Variants in SEPTIN11 observed in about 807,000 individuals in gnomAD.
SEPTIN11 encodes the protein septin-11.
A neutral mutation model predicts 51.4 loss-of-function variants in SEPTIN11; 25 were observed. The observed-to-expected ratio is 0.49, with a 90% CI of 0.35 to 0.68. The LOEUF is 0.68. SEPTIN11 is among the 30% of genes least tolerant of loss of function. SEPTIN11 has a pLI of 0.00. For missense variants in SEPTIN11, 381 were observed against 520.8 expected (o/e 0.73, Z 2.61); for synonymous variants, 174 against 184.1 (o/e 0.95, Z 0.44).
intron 1 of SEPTIN11, among the ~76,000 whole-genome samples, chr4:76,988,324 G>A (rs1283786984): frequency 2.0e-5 from 3 of 152,164 alleles, no homozygotes; most frequent in African/African-American, 7.2e-5. Context: ...TACCCTGTAC[G>A]CTCCATGAGT....
At chr4:77,000,799 T>C (rs1422715483) in intron 2 of SEPTIN11, among the ~76,000 whole-genome samples, 1 of 152,166 alleles carries the variant, frequency 6.6e-6, no homozygotes, top group African/African-American at 2.4e-5. Context: ...CGCTGGCTCA[T>C]CTTATGCCGG....
chr4:76,964,972 C>T (rs543242229), intron 1 of SEPTIN11, among the ~76,000 whole-genome samples: 148 of 152,226 alleles, frequency 9.7e-4, no homozygotes, highest in Admixed American at 4.2e-3. Context: ...TGTCATTTAC[C>T]ACACTTGCCA....
At chr4:76,996,303 G>C (rs1028205060) in intron 1 of SEPTIN11, 122 bp from the exon 2 acceptor site, 5 of 743,446 alleles carry the variant, frequency 6.7e-6, no homozygotes, top group African/African-American at 5.3e-5. Flanking sequence ...AGGCAGCTGT[G>C]GAGGGTCTCC....
At chr4:77,013,532 A>C (rs1725017436) in intron 4 of SEPTIN11, among the ~76,000 whole-genome samples, 1 of 152,226 alleles carries the variant, frequency 6.6e-6, no homozygotes, top group Admixed American at 6.5e-5. Context: ...AATGTGTATC[A>C]AAGATAGCCA....
chr4:77,035,657 G>C lies in SEPTIN11; in HGVS notation c.*1145G>C. On this transcript the variant is annotated 3_prime_UTR_variant, in exon 10 of 10. Coordinates refer to ENST00000264893, the MANE Select transcript of SEPTIN11 (RefSeq NM_018243.4). Reference sequence around the variant, plus strand: ...TTGGCAATAAAAGAAAGAAGAAATAGAACAGCTGAAGTCTCAAATCATTGT... The same window carrying C: ...TTGGCAATAAAAGAAAGAAGAAATACAACAGCTGAAGTCTCAAATCATTGT... 2 of 985,718 alleles carry C rather than the reference G, an allele frequency of 2.0e-6. No individual in the cohort carries two copies. The highest frequency in any genetic ancestry group is 2.4e-6 in the Non-Finnish European group (2 of 829,926). 61.1% of individuals were successfully genotyped at this position (985,718 alleles called of 1,614,324 possible).
Position 77,035,019 on chromosome 4 carries a change from T to A in SEPTIN11, c.*507T>A. On this transcript the variant is annotated 3_prime_UTR_variant, in exon 10 of 10. Transcript: ENST00000264893. ...AAGGTAGATTTGTACGTAGACAGAC[T>A]GGTGAGCAAGCATTATATTTTATTT... 1 of 985,898 alleles carries A rather than the reference T, an allele frequency of 1.0e-6. No individual in the cohort carries two copies. The allele number at this position is 985,898 out of a possible 1,614,324, so 61.1% of individuals were successfully genotyped here. A position where few individuals can be genotyped will look rare whatever the true frequency, so the allele number is the denominator to read the frequency against.
At chr4:76,963,025 T>C (rs1721887430) in intron 1 of SEPTIN11, among the ~76,000 whole-genome samples, 2 of 152,240 alleles carry the variant, frequency 1.3e-5, no homozygotes, top group Admixed American at 6.5e-5. Flanking sequence ...TTGCTACTCT[T>C]ACATTAGCAA....
downstream of SEPTIN11, chr4:77,039,553 C>A (rs1191262577): frequency 7.1e-6 from 7 of 985,302 alleles, no homozygotes; most frequent in Non-Finnish European, 8.4e-6. Flanking sequence ...TTCTGAACAG[C>A]CTGATCAGGA....
chr4:76,976,351 G>C (rs1462617646), intron 1 of SEPTIN11, among the ~76,000 whole-genome samples: 2 of 152,064 alleles, frequency 1.3e-5, no homozygotes, highest in Non-Finnish European at 2.9e-5. Context: ...TCCAAGGCTT[G>C]TGATTCCCTA....
At chr4:77,040,042 T>G (rs1727273052), downstream of SEPTIN11, 1 of 152,324 alleles carries the variant, frequency 6.6e-6, no homozygotes, top group Non-Finnish European at 1.5e-5. Context: ...TTCCCTTTTT[T>G]GTTACGGGAT....
Position 76,949,772 on chromosome 4 carries a change from C to T in SEPTIN11, c.-132C>T. On this transcript the variant is annotated 5_prime_UTR_variant, in exon 1 of 10. Transcript: ENST00000264893. Reference sequence around the variant, plus strand: ...GGGGGGAGCAGATGCCGCTGGCTGCCAGCGGGACGCCGGCGAGCAGAGCGC... The same window carrying T: ...GGGGGGAGCAGATGCCGCTGGCTGCTAGCGGGACGCCGGCGAGCAGAGCGC... The T allele has an allele frequency of 3.1e-6, 3 of 973,976 alleles. No individual in the cohort carries two copies. Among genetic ancestry groups the T allele is most frequent in the Admixed American group, 3.0e-5 (1 of 33,820 alleles). 60.3% of individuals were successfully genotyped at this position (973,976 alleles called of 1,614,324 possible).
intron 1 of SEPTIN11, among the ~76,000 whole-genome samples, chr4:76,994,013 G>A (rs1051101768): frequency 2.0e-5 from 3 of 152,104 alleles, no homozygotes; most frequent in Non-Finnish European, 4.4e-5. Context: ...TGGATATCTG[G>A]TATCTAAAAA....
chr4:76,966,825 C>T (rs1722054050), intron 1 of SEPTIN11, among the ~76,000 whole-genome samples: 1 of 152,102 alleles, frequency 6.6e-6, no homozygotes, highest in African/African-American at 2.4e-5. Context: ...GATTGTGCCA[C>T]TGTACTCCAG....
At chr4:76,962,325 A>G (rs986899373) in intron 1 of SEPTIN11, among the ~76,000 whole-genome samples, 1 of 152,250 alleles carries the variant, frequency 6.6e-6, no homozygotes, top group African/African-American at 2.4e-5. Context: ...GTGAATTTAA[A>G]TGTTTTGGCT....
chr4:76,956,973 T>TGTGTGTGTGTGC, intron 1 of SEPTIN11, among the ~76,000 whole-genome samples: 1 of 134,738 alleles, frequency 7.4e-6, no homozygotes, highest in Non-Finnish European at 1.6e-5. Flanking sequence ...TGTGTGTGTG[T>TGTGTGTGTGTGC]GTGTGTGTGT....
intron 1 of SEPTIN11, among the ~76,000 whole-genome samples, chr4:76,989,362 T>A (rs1224459955): frequency 1.3e-5 from 2 of 152,186 alleles, no homozygotes; most frequent in Non-Finnish European, 2.9e-5. Context: ...AAGGTAAAAA[T>A]TAAATATTGC....
At chr4:76,996,668 CA>C in intron 2 of SEPTIN11, 129 bp downstream of exon 2, 1 of 670,330 alleles carries the variant, frequency 1.5e-6, no homozygotes, top group Non-Finnish European at 2.6e-6. Context: ...TAAAACAAGG[CA>C]AAATATCTGC....
At chr4:77,039,576 A>C (rs567395557), downstream of SEPTIN11, 1 of 985,368 alleles carries the variant, frequency 1.0e-6, no homozygotes, top group African/African-American at 1.7e-5. Flanking sequence ...CTCAACCGTC[A>C]GGTCATAAGA....
intron 1 of SEPTIN11, chr4:76,974,943 C>CG (rs1226313304): frequency 2.2e-6 from 1 of 444,956 alleles, no homozygotes; most frequent in East Asian, 7.0e-5. Flanking sequence ...GCCAAAATGA[C>CG]AAGACCCCAT....
Sources: allele counts gnomAD v4.1 joint callset (sites outside exome capture counted in the v4.1 genomes callset), GRCh38; gene constraint gnomAD v4.1.1; transcripts MANE v1.5; gene names NCBI Gene and HGNC (gene_info 2026-07-23, HGNC 2026-07-21).